The following BTBD16 variants were observed in gnomAD, a reference collection of about 807,000 sequenced individuals.
BTBD16 encodes BTB domain containing 16, also known as BTB/POZ domain-containing protein 16.
A neutral mutation model predicts 67.4 loss-of-function variants in BTBD16; 66 were observed. The observed-to-expected ratio is 0.98, with a 90% confidence interval of 0.80 to 1.20. The LOEUF (loss-of-function observed/expected upper bound fraction) is 1.20. Among genes scored for constraint, BTBD16 ranks in the 50% most tolerant of loss-of-function variants. The pLI is 0.00. For synonymous variants in BTBD16, 242 were observed against 236.4 expected, an observed-to-expected ratio of 1.02 and a Z score of -0.22; for missense variants, 634 against 616.0, an observed-to-expected ratio of 1.03 and a Z score of -0.31.
At chr10:122,337,734 G>A (rs1299235129) in intron 15 of BTBD16, among the ~76,000 whole-genome samples, 2 of 152,194 alleles carry the variant, frequency 1.3e-5, no homozygotes, top group Middle Eastern at 3.2e-3. Flanking sequence ...CAAAGTGCTG[G>A]GATGAAATAT....
At chr10:122,323,331 G>A (rs1002756980) in intron 10 of BTBD16, among the ~76,000 whole-genome samples, 1 of 152,154 alleles carries the variant, frequency 6.6e-6, no homozygotes, top group Non-Finnish European at 1.5e-5. Context: ...TAGGCATTAC[G>A]GTGTGTGTGC....
At chr10:122,308,077 G>A (rs923159356) in intron 10 of BTBD16, among the ~76,000 whole-genome samples, 1 of 152,152 alleles carries the variant, frequency 6.6e-6, no homozygotes, top group Non-Finnish European at 1.5e-5. Flanking sequence ...TAGCCTATGA[G>A]ACACTTTTTC....
intron 7 of BTBD16, among the ~76,000 whole-genome samples, chr10:122,293,213 T>C (rs1050383398): frequency 4.6e-5 from 7 of 152,202 alleles, no homozygotes; most frequent in African/African-American, 1.7e-4. Context: ...TGAATGAATA[T>C]ACCATCCAAG....
chr10:122,307,318 C>A lies in BTBD16; in HGVS notation c.911+10C>A. The A allele has an allele frequency of 6.3e-7, 1 of 1,593,888 alleles. No homozygotes were observed. The highest frequency in any genetic ancestry group is 8.5e-7 in the Non-Finnish European group (1 of 1,172,730). ...TGACATTTTTTAAGAGGTAATATAA[C>A]TTAGTGTTGATTGATGAAATACACA... On this transcript the variant is annotated intron_variant, in intron 10 of 15. Coordinates refer to ENST00000260723, the MANE Select transcript of BTBD16 (RefSeq NM_144587.5).
chr10:122,273,140 A>G (rs10887117), intron 1 of BTBD16, among the ~76,000 whole-genome samples: 5,900 of 151,536 alleles, frequency 0.039, 328 homozygotes, highest in East Asian at 0.2. Context: ...GGTATTAACT[A>G]TTTCAATTGA....
At position 122,334,903 on chromosome 10, in the gene BTBD16, C is replaced by A. The variant is rs577596137; in HGVS notation, c.1187C>A (p.Thr396Lys). Reference protein sequence around the residue: ...FNQENTTYSKTIALYGFFFKI... With the variant: ...FNQENTTYSKKIALYGFFFKI... ...TAGGAGAATACAACTTATTCGAAAA[C>A]GATTGCTCTATATGGATTCTTCTTT... Residue 396 changes from threonine (T) to lysine (K), a missense_variant, in exon 14 of 16, where the codon ACG (threonine) becomes AAG (lysine). Transcript: ENST00000260723. The A allele has an allele frequency of 1.3e-6, 2 of 1,568,114 alleles. No individual in the cohort carries two copies. The highest frequency in any genetic ancestry group is 1.7e-5 in the Admixed American group (1 of 57,592).
intron 11 of BTBD16, 37 bp from the exon 12 acceptor site, chr10:122,331,139 T>A (rs763313133): frequency 1.9e-6 from 3 of 1,602,050 alleles, no homozygotes; most frequent in African/African-American, 2.7e-5. Flanking sequence ...CTGGTGTGAA[T>A]AAAACTAAAA....
chr10:122,273,221 G>GATAGATAGATATATATATATATAT (rs1034902866), intron 1 of BTBD16, among the ~76,000 whole-genome samples: 2 of 129,468 alleles, frequency 1.5e-5, no homozygotes, highest in African/African-American at 5.7e-5. Flanking sequence ...GCAACACAAA[G>GATAGATAGATATATATATATATAT]ATATATATAT....
At chr10:122,326,443 T>G (rs958514120) in intron 10 of BTBD16, among the ~76,000 whole-genome samples, 4 of 152,194 alleles carry the variant, frequency 2.6e-5, no homozygotes, top group African/African-American at 9.6e-5. Flanking sequence ...CATTCACCCT[T>G]GCGCCTGGCT....
Position 122,336,589 on chromosome 10 carries a change from A to T in BTBD16, c.1359A>T (p.Arg453Ser). 1 of 1,613,314 alleles carries T rather than the reference A, an allele frequency of 6.2e-7. No individual in the cohort carries two copies. The change falls in exon 15 of 16, where the codon AGA (arginine) becomes AGT (serine). Residue 453 changes from arginine (R) to serine (S), a missense_variant. Transcript: ENST00000260723. ...CACGCCTGGTGAAGTATGAGATCAG[A>T]GCAGAGGCCCTGGTTGACGGCAAGT... ...RAARLVKYEIRAEALVDGKWQ... is the reference protein window; with the variant it reads ...RAARLVKYEISAEALVDGKWQ...
intron 14 of BTBD16, among the ~76,000 whole-genome samples, chr10:122,335,418 T>C (rs564469750): frequency 6.6e-6 from 1 of 152,036 alleles, no homozygotes; most frequent in East Asian, 1.9e-4. Flanking sequence ...GTCAGGAGGG[T>C]GCTTGACTTC....
chr10:122,313,506 G>A (rs946591508), intron 10 of BTBD16, among the ~76,000 whole-genome samples: 2 of 151,464 alleles, frequency 1.3e-5, no homozygotes, highest in Admixed American at 6.6e-5. Flanking sequence ...CTTGTGATCC[G>A]CCCGCCTCGG....
intron 10 of BTBD16, among the ~76,000 whole-genome samples, chr10:122,329,157 A>G (rs1376358017): frequency 1.3e-5 from 2 of 152,144 alleles, no homozygotes; most frequent in Admixed American, 6.5e-5. Context: ...ATGCATATTG[A>G]GGTCCTCTGT....
At position 122,307,291 on chromosome 10, in the gene BTBD16, G is replaced by A; in HGVS notation, c.894G>A (p.Val298=). The change falls in exon 10 of 16, where the codon GTG becomes GTA. Residue 298 remains valine (V), a synonymous_variant. Coordinates refer to ENST00000260723, the MANE Select transcript of BTBD16 (RefSeq NM_144587.5). ...KIQAIPTYET[V]MTFFKSFPEN... is the part of the protein sequence containing the mutation. ...AGGCAATTCCGACTTATGAAACCGT[G>A]ATGACATTTTTTAAGAGGTAATATA... 8.1e-6 allele frequency: 13 copies of A among 1,605,364 alleles called. No homozygotes were observed. Among genetic ancestry groups the A allele is most frequent in the Non-Finnish European group, 1.0e-5 (12 of 1,177,444 alleles).
intron 12 of BTBD16, chr10:122,332,213 C>T: frequency 5.8e-6 from 3 of 518,562 alleles, no homozygotes; most frequent in African/African-American, 3.8e-5. Context: ...ACTTTTTTGT[C>T]TTCTCCTTGC....
chr10:122,298,333 T>C (rs2096387433), intron 8 of BTBD16, among the ~76,000 whole-genome samples: 1 of 152,128 alleles, frequency 6.6e-6, no homozygotes, highest in Non-Finnish European at 1.5e-5. Flanking sequence ...TGGGGGGGGA[T>C]ACCAAGCAGC....
chr10:122,292,515 C>G (rs1212723554), intron 7 of BTBD16, among the ~76,000 whole-genome samples: 1 of 152,224 alleles, frequency 6.6e-6, no homozygotes, highest in Admixed American at 6.5e-5. Context: ...TGTACTATTC[C>G]ACTTCGCTTG....
intron 10 of BTBD16, among the ~76,000 whole-genome samples, chr10:122,308,033 C>G (rs887415868): frequency 5.9e-5 from 9 of 152,150 alleles, no homozygotes; most frequent in Non-Finnish European, 1.3e-4. Context: ...GCTTTGAACC[C>G]AAATGTTTTA....
At chr10:122,280,753 T>C (rs568103857) in intron 3 of BTBD16, among the ~76,000 whole-genome samples, 9 of 152,108 alleles carry the variant, frequency 5.9e-5, no homozygotes, top group Non-Finnish European at 1.3e-4. Context: ...TGCAATGCAA[T>C]ACCAGTGCCA....
Sources: allele counts gnomAD v4.1 joint callset (sites outside exome capture counted in the v4.1 genomes callset), GRCh38; gene constraint gnomAD v4.1.1; transcripts MANE v1.5; gene names NCBI Gene and HGNC (gene_info 2026-07-23, HGNC 2026-07-21).